Variants in CEP89 observed in about 807,000 individuals in gnomAD.
The protein encoded by CEP89 is centrosomal protein of 89 kDa.
Under a neutral mutation model 97.6 loss-of-function variants are expected in CEP89, and 95 were observed. The ratio of observed to expected loss-of-function variants is 0.97; its 90% CI spans 0.82 to 1.15. The LOEUF (loss-of-function observed/expected upper bound fraction) is 1.15, where lower values mean the gene tolerates loss of function less well. Ranked by LOEUF, CEP89 falls within the 50% of genes most tolerant of loss-of-function variation. CEP89 has a pLI of 0.00. For synonymous variants in CEP89, 354 were observed against 349.1 expected, an observed-to-expected ratio of 1.01 and a Z score of -0.16; for missense variants, 869 against 947.7, an observed-to-expected ratio of 0.92 and a Z score of 1.09.
At chr19:32,932,190 A>T (rs1430216144) in intron 8 of CEP89, among the ~76,000 whole-genome samples, 1 of 151,984 alleles carries the variant, frequency 6.6e-6, no homozygotes, top group Non-Finnish European at 1.5e-5. Flanking sequence ...CACAAAAAAA[A>T]AAAAAGAAAG....
At chr19:32,929,047 C>A (rs1216242521) in intron 9 of CEP89, among the ~76,000 whole-genome samples, 1 of 152,098 alleles carries the variant, frequency 6.6e-6, no homozygotes, top group African/African-American at 2.4e-5. Context: ...ATGGCCTAGA[C>A]AAAATAATTA....
intron 14 of CEP89, among the ~76,000 whole-genome samples, chr19:32,904,069 AG>A (rs544789413): frequency 1.9e-3 from 293 of 152,286 alleles, no homozygotes; most frequent in Middle Eastern, 3.4e-3. Context: ...CTGAGGCAGG[AG>A]GATCACTTGA....
intron 1 of CEP89, chr19:32,969,429 G>A (rs1971352504): frequency 6.6e-6 from 1 of 152,250 alleles, no homozygotes; most frequent in African/African-American, 2.4e-5. Flanking sequence ...TCCCTGGCCT[G>A]AGGGTGGGGC....
intron 5 of CEP89, among the ~76,000 whole-genome samples, chr19:32,945,564 A>C (rs1420311625): frequency 1.3e-5 from 2 of 152,180 alleles, no homozygotes; most frequent in African/African-American, 4.8e-5. Flanking sequence ...GTACCATGGA[A>C]GGCTTCCTCT....
intron 18 of CEP89, 104 bp downstream of exon 18, chr19:32,881,740 A>G: frequency 8.7e-7 from 1 of 1,148,294 alleles, no homozygotes; most frequent in Non-Finnish European, 1.2e-6. Flanking sequence ...TAGAAACAAA[A>G]TTAAACAATG....
At chr19:32,934,624 T>TTTCC (rs1970543656) in intron 7 of CEP89, among the ~76,000 whole-genome samples, 1 of 151,998 alleles carries the variant, frequency 6.6e-6, no homozygotes, top group Admixed American at 6.6e-5. Flanking sequence ...AAGGTGAGGC[T>TTTCC]CAGAAATGGG....
chr19:32,895,890 C>T (rs186173713), intron 16 of CEP89, among the ~76,000 whole-genome samples: 72 of 152,042 alleles, frequency 4.7e-4, no homozygotes, highest in African/African-American at 1.6e-3. Flanking sequence ...CAAAAAAATA[C>T]CTAGAAATAA....
Position 32,879,375 on chromosome 19 carries a change from T to C in CEP89, c.2139A>G (p.Glu713=). Reference sequence around the variant, plus strand: ...AAATAACTTCAAGTTCACCTTCCATTTCTCTGAGGGAAATAAGTTTAAAAT... The same window carrying C: ...AAATAACTTCAAGTTCACCTTCCATCTCTCTGAGGGAAATAAGTTTAAAAT... ...VLDQALQQNR[E]MEGELEVIWE... The change falls in exon 19 of 19, where the codon GAA becomes GAG. Residue 713 remains glutamate, a synonymous_variant. Coordinates refer to ENST00000305768, the MANE Select transcript of CEP89 (RefSeq NM_032816.5). The C allele has an allele frequency of 6.2e-7, 1 of 1,613,196 alleles. No homozygotes were observed.
chr19:32,929,982 G>A (rs569094924), intron 9 of CEP89, among the ~76,000 whole-genome samples: 2 of 151,826 alleles, frequency 1.3e-5, no homozygotes, highest in Admixed American at 1.3e-4. Context: ...GGGAACATAG[G>A]GAGTGATTCC....
chr19:32,888,793 T>C (rs1568544625), intron 16 of CEP89, among the ~76,000 whole-genome samples: 1 of 152,064 alleles, frequency 6.6e-6, no homozygotes. Context: ...TTTTTGTTTT[T>C]TCTTTTTGTT....
intron 3 of CEP89, among the ~76,000 whole-genome samples, chr19:32,956,306 G>A (rs1276373178): frequency 6.6e-6 from 1 of 151,036 alleles, no homozygotes; most frequent in South Asian, 2.1e-4. Context: ...CGTCCATCTC[G>A]GCCTCCCAAA....
At chr19:32,954,774 C>T (rs1045776707) in intron 3 of CEP89, among the ~76,000 whole-genome samples, 1 of 151,098 alleles carries the variant, frequency 6.6e-6, no homozygotes, top group African/African-American at 2.4e-5. Context: ...AAGTGATTCT[C>T]CTGCCTCAGC....
chr19:32,882,790 G>A (rs1302443716), intron 17 of CEP89, among the ~76,000 whole-genome samples: 3 of 152,076 alleles, frequency 2.0e-5, no homozygotes, highest in Non-Finnish European at 4.4e-5. Flanking sequence ...ATGAAAGCCC[G>A]CTATTTACTT....
intron 5 of CEP89, among the ~76,000 whole-genome samples, chr19:32,947,287 C>T (rs1300274266): frequency 6.6e-6 from 1 of 152,138 alleles, no homozygotes; most frequent in Non-Finnish European, 1.5e-5. Flanking sequence ...TGTCCACGTA[C>T]TCATTCACCC....
intron 14 of CEP89, among the ~76,000 whole-genome samples, chr19:32,904,594 TCC>T (rs1491174236): frequency 5.7e-5 from 8 of 140,860 alleles, no homozygotes; most frequent in Non-Finnish European, 1.1e-4. Context: ...TTTTCTTTCT[TCC>T]TTTTTTTTTT....
chr19:32,971,456 G>A (rs1161572614), intron 1 of CEP89: 1 of 488,626 alleles, frequency 2.0e-6, no homozygotes, highest in Non-Finnish European at 3.6e-6. Flanking sequence ...AGGAGCTCAA[G>A]ACCACCATAG....
At chr19:32,912,590 T>C (rs1042267389) in intron 14 of CEP89, among the ~76,000 whole-genome samples, 3 of 152,182 alleles carry the variant, frequency 2.0e-5, no homozygotes, top group Admixed American at 2.0e-4. Flanking sequence ...TTTTTCTCAC[T>C]ATCCTATTGG....
rs757271183 is a variant in CEP89, at chr19:32,971,858, C to T, written c.17G>A (p.Arg6Gln). The T allele has an allele frequency of 6.3e-7, 1 of 1,593,822 alleles. No individual in the cohort carries two copies. Among genetic ancestry groups the T allele is most frequent in the Admixed American group, 1.7e-5 (1 of 58,486 alleles). Residue 6 changes from arginine (R) to glutamine (Q), a missense_variant, in exon 1 of 19, where the codon CGG (arginine) becomes CAG (glutamine). Transcript: ENST00000305768. ...TACGAAATGACTCCTGCGGCCTCTC[C>T]GAAATCCCAGGAGCATCCTTGCAGC... MLLGFRRGRRSHFKHI... is the reference protein window; with the variant it reads MLLGFQRGRRSHFKHI...
At chr19:32,903,433 G>A (rs771003393) in intron 14 of CEP89, among the ~76,000 whole-genome samples, 2 of 152,122 alleles carry the variant, frequency 1.3e-5, no homozygotes, top group Non-Finnish European at 2.9e-5. Context: ...GAGAGATGAT[G>A]GCGTTGGCAA....
Sources: allele counts gnomAD v4.1 joint callset (sites outside exome capture counted in the v4.1 genomes callset), GRCh38; gene constraint gnomAD v4.1.1; transcripts MANE v1.5; gene names NCBI Gene and HGNC (gene_info 2026-07-23, HGNC 2026-07-21).